The following CNTNAP2 variants were observed in gnomAD, a reference collection of about 807,000 sequenced individuals.
The protein encoded by CNTNAP2 is contactin associated protein 2, also known as contactin-associated protein-like 2.
CNTNAP2 carries 98 observed loss-of-function variants against 155.2 expected under a neutral mutation model. The observed-to-expected ratio is 0.63, with a 90% CI of 0.54 to 0.75. The LOEUF (loss-of-function observed/expected upper bound fraction) is 0.75. CNTNAP2 is among the 30% of genes least tolerant of loss of function. The pLI, the probability that CNTNAP2 is intolerant of heterozygous loss-of-function variation, is 0.00. For missense variants in CNTNAP2, 1,727 were observed against 1,688.1 expected, an observed-to-expected ratio of 1.02 and a Z score of -0.40; for synonymous variants, 651 against 631.2, an observed-to-expected ratio of 1.03 and a Z score of -0.47.
In CNTNAP2 at chr7:147,559,601, T is replaced by C. The variant is rs535539657; in HGVS notation, c.1778-2537T>C. On this transcript the variant is annotated intron_variant, in intron 11 of 23. Transcript: ENST00000361727. Reference sequence around the variant, plus strand: ...GAGTTTTGGCAGAAGAAAAAGACAATGATTTATTACTAAATATTATAATGG... The same window carrying C: ...GAGTTTTGGCAGAAGAAAAAGACAACGATTTATTACTAAATATTATAATGG... Among the ~76,000 whole-genome samples, 3 of 152,168 alleles carry C rather than the reference T, an allele frequency of 2.0e-5. No individual in the cohort carries two copies. In the East Asian group the frequency reaches 5.8e-4, roughly 29 times the overall value.
At chr7:147,685,915 G>C (rs1030309802) in intron 13 of CNTNAP2, among the ~76,000 whole-genome samples, 2 of 151,924 alleles carry the variant, frequency 1.3e-5, no homozygotes, top group Non-Finnish European at 1.5e-5. Context: ...GAGCACGGAG[G>C]ACCATGTGTC....
intron 1 of CNTNAP2, among the ~76,000 whole-genome samples, chr7:146,176,395 AAAAT>A (rs1332624352): frequency 6.6e-5 from 10 of 152,360 alleles, no homozygotes; most frequent in African/African-American, 2.2e-4. Context: ...AAAAGGAAGA[AAAAT>A]AATTTAGCTT....
chr7:147,054,214 G>A (rs6947515), intron 4 of CNTNAP2, among the ~76,000 whole-genome samples: 35,859 of 151,926 alleles, frequency 0.24, 5,240 homozygotes, highest in African/African-American at 0.4. Context: ...AATTATCACC[G>A]TAAGAATATA....
At chr7:146,991,217 ATATAGTATTTGAAATATAG>A in intron 3 of CNTNAP2, among the ~76,000 whole-genome samples, 1 of 97,438 alleles carries the variant, frequency 1.0e-5, no homozygotes, top group Admixed American at 8.8e-5. Flanking sequence ...AAGATTTGAG[ATATAGTATTTGAAATATAG>A]TATTCTAAAT....
At chr7:148,052,032 G>C (rs544437508) in intron 15 of CNTNAP2, among the ~76,000 whole-genome samples, 2 of 152,054 alleles carry the variant, frequency 1.3e-5, no homozygotes, top group East Asian at 1.9e-4. Flanking sequence ...CCAGCTGCTC[G>C]GGAGGCTGAG....
chr7:146,585,747 AGAAGGAAAGAAAGAAAG>A (rs1798680593), intron 1 of CNTNAP2, among the ~76,000 whole-genome samples: 1 of 150,242 alleles, frequency 6.7e-6, no homozygotes, highest in African/African-American at 2.5e-5. Flanking sequence ...AGAAAAAGAA[AGAAGGAAAGAAAGAAAG>A]GAAAGAAAGA....
At chr7:147,303,494 A>C (rs1794978705) in intron 9 of CNTNAP2, among the ~76,000 whole-genome samples, 1 of 152,224 alleles carries the variant, frequency 6.6e-6, no homozygotes, top group Non-Finnish European at 1.5e-5. Flanking sequence ...ACAAATGCAC[A>C]CAACTCTATA....
intron 2 of CNTNAP2, among the ~76,000 whole-genome samples, chr7:146,806,294 C>G (rs924897647): frequency 2.0e-5 from 3 of 151,306 alleles, no homozygotes; most frequent in Non-Finnish European, 4.4e-5. Context: ...AGTTCAAGAC[C>G]AACCTGATCA....
chr7:147,202,389 T>C lies in CNTNAP2; in HGVS notation c.1348+69880T>C, dbSNP rs944174099. Among the ~76,000 whole-genome samples the C allele has an allele frequency of 1.2e-4, 19 of 152,154 alleles. 1 individual carries two copies. The highest frequency in any genetic ancestry group is 2.8e-4 in the Non-Finnish European group (19 of 68,038). ...GTATCATGCACAATGAGATTATGCA[T>C]GATTCTTTTACAAATCTGAAAATGT... is the stretch of plus-strand genomic sequence containing the variant. On this transcript the variant is annotated intron_variant, in intron 8 of 23. Coordinates refer to ENST00000361727, the MANE Select transcript of CNTNAP2 (RefSeq NM_014141.6).
chr7:146,190,970 T>A (rs1488791362), intron 1 of CNTNAP2, among the ~76,000 whole-genome samples: 1 of 152,206 alleles, frequency 6.6e-6, no homozygotes, highest in Non-Finnish European at 1.5e-5. Flanking sequence ...AAAATTTGAC[T>A]TTAATCATAT....
intron 9 of CNTNAP2, among the ~76,000 whole-genome samples, chr7:147,344,319 AATG>A (rs1268148909): frequency 6.6e-6 from 1 of 152,214 alleles, no homozygotes; most frequent in East Asian, 1.9e-4. Flanking sequence ...AGATACAGTG[AATG>A]ATAACATTTA....
intron 15 of CNTNAP2, among the ~76,000 whole-genome samples, chr7:148,073,702 T>C (rs1803422922): frequency 6.6e-6 from 1 of 152,144 alleles, no homozygotes; most frequent in Admixed American, 6.6e-5. Context: ...GTGTATGTAT[T>C]GGAAAAAAAT....
intron 8 of CNTNAP2, among the ~76,000 whole-genome samples, chr7:147,245,637 G>A (rs574544011): frequency 6.6e-6 from 1 of 151,878 alleles, no homozygotes; most frequent in African/African-American, 2.4e-5. Context: ...TTCAAGACCA[G>A]CCTGGCCAAC....
intron 1 of CNTNAP2, among the ~76,000 whole-genome samples, chr7:146,768,909 A>G (rs1802245543): frequency 1.3e-5 from 2 of 152,312 alleles, no homozygotes; most frequent in Admixed American, 6.5e-5. Flanking sequence ...TGTGTCAATT[A>G]CGTATATTCT....
intron 3 of CNTNAP2, among the ~76,000 whole-genome samples, chr7:146,940,990 T>G (rs993135646): frequency 3.3e-5 from 5 of 152,160 alleles, no homozygotes; most frequent in African/African-American, 1.2e-4. Context: ...TGCTCTTTTT[T>G]AAAGTTTCTA....
chr7:146,829,520 G>A (rs1232065374), intron 2 of CNTNAP2, among the ~76,000 whole-genome samples: 1 of 151,972 alleles, frequency 6.6e-6, no homozygotes, highest in Admixed American at 6.6e-5. Flanking sequence ...AAAATGATTA[G>A]GCTATGAACA....
At chr7:146,811,107 C>A (rs930273354) in intron 2 of CNTNAP2, among the ~76,000 whole-genome samples, 3 of 152,108 alleles carry the variant, frequency 2.0e-5, no homozygotes, top group Non-Finnish European at 2.9e-5. Context: ...TTTCTTGTAG[C>A]ATCCTTATCT....
chr7:147,871,138 C>A (rs1232700632), intron 13 of CNTNAP2, among the ~76,000 whole-genome samples: 1 of 152,118 alleles, frequency 6.6e-6, no homozygotes, highest in East Asian at 1.9e-4. Flanking sequence ...TTGGAAAGTA[C>A]ATTTCACTCA....
At position 147,187,072 on chromosome 7, in the gene CNTNAP2, G is replaced by T. The variant is rs1192563594; in HGVS notation, c.1348+54563G>T. On this transcript the variant is annotated intron_variant, in intron 8 of 23. Transcript: ENST00000361727. ...AAGCTTTAGGGCTGGCATATAAGGA[G>T]GATTGCTTTTAGAATGTCAGTGATG... Among the ~76,000 whole-genome samples, 3 of 93,718 alleles carry T rather than the reference G, an allele frequency of 3.2e-5. 1 individual carries two copies. Among genetic ancestry groups the T allele is most frequent in the Admixed American group, 3.2e-4 (3 of 9,458 alleles). The allele number at this position is 93,718 out of a possible 152,430, so 61.5% of individuals were successfully genotyped here.
Sources: gnomAD v4.1 joint callset for allele counts (sites outside exome capture counted in the v4.1 genomes callset) on GRCh38, gnomAD v4.1.1 for gene constraint, MANE v1.5 for transcripts, NCBI Gene and HGNC (gene_info 2026-07-23, HGNC 2026-07-21) for gene names.